ETV1: variants seen among roughly 807,000 people sequenced by gnomAD.
ETV1 encodes the protein ETS variant transcription factor 1.
A neutral mutation model predicts 62.3 loss-of-function variants in ETV1; 27 were observed. The ratio of observed to expected loss-of-function variants is 0.43; its 90% confidence interval spans 0.32 to 0.60. The LOEUF (loss-of-function observed/expected upper bound fraction) is 0.60, where lower values mean the gene tolerates loss of function less well. Ranked by LOEUF, ETV1 falls within the 20% of genes least tolerant of loss-of-function variation. The pLI, the probability that ETV1 is intolerant of heterozygous loss-of-function variation, is 0.06. For synonymous variants in ETV1, 222 were observed against 199.6 expected, an observed-to-expected ratio of 1.11 and a Z score of -0.94; for missense variants, 605 against 605.8, an observed-to-expected ratio of 1.00 and a Z score of 0.01.
rs746912467 is a variant in ETV1 at position 13,896,070 on chromosome 7, A to G, written c.1230T>C (p.Tyr410=). 1.2e-6 allele frequency: 2 copies of G among 1,613,146 alleles called. No homozygotes were observed. Among genetic ancestry groups the G allele is most frequent in the Non-Finnish European group, 1.7e-6 (2 of 1,179,514 alleles). The change falls in exon 14 of 14, where the codon TAT becomes TAC. Residue 410 remains tyrosine, a synonymous_variant. Coordinates refer to ENST00000430479, the MANE Select transcript of ETV1 (RefSeq NM_004956.5). ...GIMQKVAGER[Y]VYKFVCDPEA... is the part of the protein sequence containing the mutation. ...CTGGATCACACACAAACTTGTAGAC[A>G]TATCTCTCTCCAGCCACCTGATGAT...
chr7:13,929,646 G>C (rs955600470), intron 9 of ETV1, among the ~76,000 whole-genome samples: 1 of 152,118 alleles, frequency 6.6e-6, no homozygotes, highest in African/African-American at 2.4e-5. Flanking sequence ...CTTGAACCTA[G>C]CACTATATAT....
intron 6 of ETV1, among the ~76,000 whole-genome samples, chr7:13,943,200 C>G (rs1787766322): frequency 6.6e-6 from 1 of 152,090 alleles, no homozygotes; most frequent in Non-Finnish European, 1.5e-5. Flanking sequence ...AAGCAGATAT[C>G]CAGATGGCAA....
intron 6 of ETV1, among the ~76,000 whole-genome samples, chr7:13,948,554 C>T (rs897655012): frequency 5.9e-5 from 9 of 152,266 alleles, no homozygotes; most frequent in Non-Finnish European, 7.4e-5. Context: ...GGGCCACATC[C>T]GGCCTTCCAC....
intron 11 of ETV1, among the ~76,000 whole-genome samples, chr7:13,908,471 A>G (rs1490036267): frequency 6.6e-6 from 1 of 152,156 alleles, no homozygotes; most frequent in Non-Finnish European, 1.5e-5. Context: ...AAAATGCTAT[A>G]TTTTAAGAAT....
At chr7:13,980,181 T>G (rs1781844124) in intron 5 of ETV1, among the ~76,000 whole-genome samples, 1 of 152,146 alleles carries the variant, frequency 6.6e-6, no homozygotes, top group Non-Finnish European at 1.5e-5. Context: ...AGAAACTGAA[T>G]AGACCAAACG....
chr7:13,914,593 A>C (rs1199932085), intron 9 of ETV1, among the ~76,000 whole-genome samples: 2 of 151,306 alleles, frequency 1.3e-5, no homozygotes, highest in East Asian at 2.0e-4. Context: ...AGTTCTCTTC[A>C]AATTAAAATA....
intron 9 of ETV1, among the ~76,000 whole-genome samples, chr7:13,926,551 G>C (rs1267506920): frequency 6.6e-6 from 1 of 152,142 alleles, no homozygotes; most frequent in East Asian, 1.9e-4. Flanking sequence ...ACGCACTCCA[G>C]ATGAAGCACT....
At chr7:13,964,071 C>A (rs547116890) in intron 6 of ETV1, among the ~76,000 whole-genome samples, 2 of 152,254 alleles carry the variant, frequency 1.3e-5, no homozygotes, top group East Asian at 3.9e-4. Flanking sequence ...TCCCTACAGA[C>A]CCGTGAGTTG....
At chr7:13,949,623 T>C (rs1788565677) in intron 6 of ETV1, among the ~76,000 whole-genome samples, 1 of 152,060 alleles carries the variant, frequency 6.6e-6, no homozygotes, top group African/African-American at 2.4e-5. Context: ...GGGCCTAATC[T>C]CAGCCATCAG....
At chr7:13,939,395 G>A in intron 6 of ETV1, 149 bp from the exon 7 acceptor site, 1 of 641,898 alleles carries the variant, frequency 1.6e-6, no homozygotes, top group Non-Finnish European at 2.5e-6. Flanking sequence ...AATTTCAGTA[G>A]CAGAAGATTT....
At chr7:13,984,262 T>C (rs918154778) in intron 5 of ETV1, among the ~76,000 whole-genome samples, 1 of 151,986 alleles carries the variant, frequency 6.6e-6, no homozygotes, top group Non-Finnish European at 1.5e-5. Flanking sequence ...TTCTTGGCTA[T>C]GGAGCATTAT....
chr7:13,931,663 TGGCGTTGGTACATAG>T lies in ETV1; in HGVS notation c.626_640del (p.Pro209_Arg213del), dbSNP rs1198884728. On this transcript the variant is annotated inframe_deletion, in exon 9 of 14. Coordinates refer to ENST00000430479, the MANE Select transcript of ETV1 (RefSeq NM_004956.5). ...GAAGGGGATGTTTGGCTCAGACATC[TGGCGTTGGTACATAG>T]GACGTCCTTCCCTTGGCATCGTCGG... 6.2e-7 allele frequency: 1 copy of T among 1,613,990 alleles called. No homozygotes were observed.
intron 12 of ETV1, 138 bp downstream of exon 12, chr7:13,906,292 T>C: frequency 1.8e-6 from 1 of 561,562 alleles, no homozygotes; most frequent in Non-Finnish European, 2.9e-6. Flanking sequence ...GTTTTATCTT[T>C]GCATGCTTTT....
upstream of ETV1, chr7:13,989,862 C>A: frequency 2.8e-6 from 1 of 356,200 alleles, no homozygotes; most frequent in Non-Finnish European, 5.0e-6. Context: ...GGCCGGTAGG[C>A]GCTGGGTCCT....
At chr7:13,924,413 T>C (rs192782169) in intron 9 of ETV1, among the ~76,000 whole-genome samples, 1 of 152,340 alleles carries the variant, frequency 6.6e-6, no homozygotes, top group East Asian at 1.9e-4. Flanking sequence ...TTAAGAATGC[T>C]CGTGGTATAT....
chr7:13,914,368 G>T (rs1159965073), intron 9 of ETV1, among the ~76,000 whole-genome samples: 1 of 151,812 alleles, frequency 6.6e-6, no homozygotes, highest in East Asian at 1.9e-4. Flanking sequence ...ATTAGTACTG[G>T]CCAAATCAGC....
At chr7:13,987,862 GAGA>G (rs1456451596) in intron 4 of ETV1, among the ~76,000 whole-genome samples, 1 of 152,192 alleles carries the variant, frequency 6.6e-6, no homozygotes, top group Non-Finnish European at 1.5e-5. Context: ...GGTTGTCATT[GAGA>G]AGTTTTTATT....
rs756490851 is a variant in ETV1, at chr7:13,931,557, G to C, written c.747C>G (p.Ser249Arg). Residue 249 changes from serine (S) to arginine (R), a missense_variant, in exon 9 of 14, where the codon AGC becomes AGG. Ser to Arg is a moderately radical substitution (Grantham distance 110, BLOSUM62 -1). Transcript: ENST00000430479. Reference protein sequence around the residue: ...NTMVGSAASQSFPPPLMIKQE... With the variant: ...NTMVGSAASQRFPPPLMIKQE... ...GTTTAATCATCAGAGGAGGGGGAAA[G>C]CTTTGGCTGGCCGCACTGCCAACCA... 1 of 1,614,058 alleles carries C rather than the reference G, an allele frequency of 6.2e-7. No individual in the cohort carries two copies. Among genetic ancestry groups the C allele is most frequent in the Non-Finnish European group, 8.5e-7 (1 of 1,179,892 alleles).
intron 13 of ETV1, chr7:13,900,354 A>G (rs1458207208): frequency 4.9e-5 from 8 of 164,930 alleles, no homozygotes; most frequent in Admixed American, 3.2e-4. Flanking sequence ...TCAAAACAAG[A>G]AAAAAGTACA....
Sources: gnomAD v4.1 joint callset for allele counts (sites outside exome capture counted in the v4.1 genomes callset) on GRCh38, gnomAD v4.1.1 for gene constraint, MANE v1.5 for transcripts, NCBI Gene and HGNC (gene_info 2026-07-23, HGNC 2026-07-21) for gene names.